Variants in SLX4 observed in about 807,000 individuals in gnomAD.
The protein encoded by SLX4 is SLX4 structure-specific endonuclease subunit.
In SLX4, 112 loss-of-function variants were observed where a neutral mutation model predicts 146.2. That is an observed-to-expected ratio of 0.77 (90% confidence interval 0.66 to 0.90). The LOEUF is 0.90. Among genes scored for constraint, SLX4 ranks in the 40% least tolerant of loss-of-function variants. The pLI, the probability that SLX4 is intolerant of heterozygous loss-of-function variation, is 0.00. For synonymous variants in SLX4, 1,061 were observed against 997.7 expected, an observed-to-expected ratio of 1.06 and a Z score of -1.20; for missense variants, 2,563 against 2,392.7, an observed-to-expected ratio of 1.07 and a Z score of -1.49.
chr16:3,593,724 G>A (rs1203255094), intron 10 of SLX4, among the ~76,000 whole-genome samples: 1 of 152,186 alleles, frequency 6.6e-6, no homozygotes, highest in Non-Finnish European at 1.5e-5. Flanking sequence ...ATAGCTCCCT[G>A]AGTTCCTGCC....
intron 10 of SLX4, 113 bp from the exon 11 acceptor site, chr16:3,592,978 G>C: frequency 8.8e-7 from 1 of 1,133,026 alleles, no homozygotes; most frequent in African/African-American, 1.6e-5. Context: ...TTTCTTTTTA[G>C]AGACAGTGTC....
intron 13 of SLX4, 72 bp from the exon 14 acceptor site, chr16:3,583,582 C>A: frequency 1.3e-6 from 2 of 1,548,644 alleles, no homozygotes; most frequent in Non-Finnish European, 1.8e-6. Context: ...CCTATCTTAG[C>A]AAAGAGTGAT....
intron 4 of SLX4, chr16:3,601,828 T>G: frequency 7.4e-6 from 3 of 406,938 alleles, no homozygotes; most frequent in Non-Finnish European, 4.6e-6. Context: ...TGGCTGCCAA[T>G]GGGTGTGGGG....
rs768700280 is a variant in SLX4, at chr16:3,609,436, G to A, written c.-472C>T. The A allele has an allele frequency of 8.6e-5, 14 of 163,202 alleles. No homozygotes were observed. The highest frequency in any genetic ancestry group is 2.9e-4 in the African/African-American group (12 of 41,522). The allele number at this position is 163,202 out of a possible 1,614,324, so 10.1% of individuals were successfully genotyped here. A position where few individuals can be genotyped will look rare whatever the true frequency, so the allele number is the denominator to read the frequency against. ...AAAATAATAATAATAAATAAATAAA[G>A]TTCACAACTGAAAGAGTGTTTTGTT... is the stretch of plus-strand genomic sequence containing the variant. On this transcript the variant is annotated 5_prime_UTR_variant, in exon 2 of 15. Coordinates refer to ENST00000294008, the MANE Select transcript of SLX4 (RefSeq NM_032444.4).
intron 3 of SLX4, 54 bp from the exon 4 acceptor site, chr16:3,602,361 C>T (rs1163668802): frequency 1.3e-6 from 2 of 1,596,586 alleles, no homozygotes; most frequent in Non-Finnish European, 1.7e-6. Context: ...CAAGCTCACC[C>T]TCAGACCTCT....
rs746396836 is a variant in SLX4 at position 3,582,502 on chromosome 16, T to A, written c.5345A>T (p.Gln1782Leu). 2 of 1,614,036 alleles carry A rather than the reference T, an allele frequency of 1.2e-6. No homozygotes were observed. The highest frequency in any genetic ancestry group is 2.2e-5 in the South Asian group (2 of 91,082). Residue 1782 changes from glutamine to leucine, a missense_variant, in exon 15 of 15, where the codon CAG becomes CTG. Gln to Leu is a moderately radical substitution (Grantham distance 113). Coordinates refer to ENST00000294008, the MANE Select transcript of SLX4 (RefSeq NM_032444.4). Reference protein sequence around the residue: ...LYQPFELRELQAELRQNGLRV... With the variant: ...LYQPFELRELLAELRQNGLRV... ...GAGGCCGTTCTGCCTCAGCTCTGCC[T>A]GCAGCTCCCGCAGCTCAAAGGGCTG...
chr16:3,594,784 A>G (rs1449673969), intron 9 of SLX4, among the ~76,000 whole-genome samples, 185 bp from the exon 10 acceptor site: 1 of 152,222 alleles, frequency 6.6e-6, no homozygotes, highest in East Asian at 1.9e-4. Context: ...GGCCCTGAGT[A>G]GCACAGAAGA....
Position 3,583,608 on chromosome 16 carries a change from C to T in SLX4, c.4740-98G>A, listed in dbSNP as rs897350054. ...AAAGAGTGATACCCAATGCATTCAGCGAATGGCTTGTGTGACAAACCATAG... is the reference window on the plus strand; with the variant it reads ...AAAGAGTGATACCCAATGCATTCAGTGAATGGCTTGTGTGACAAACCATAG... On this transcript the variant is annotated intron_variant, in intron 13 of 14. Coordinates refer to ENST00000294008, the MANE Select transcript of SLX4 (RefSeq NM_032444.4). 17 of 1,351,762 alleles carry T rather than the reference C, an allele frequency of 1.3e-5. No homozygotes were observed. The East Asian group carries it at 2.3e-4, about 18-fold the overall frequency. 83.7% of individuals were successfully genotyped at this position (1,351,762 alleles called of 1,614,324 possible).
chr16:3,606,153 G>A (rs1340302103), intron 3 of SLX4, among the ~76,000 whole-genome samples: 1 of 148,914 alleles, frequency 6.7e-6, no homozygotes, highest in Non-Finnish European at 1.5e-5. Flanking sequence ...CCACTGGCTG[G>A]GGCAAGATAA....
chr16:3,593,232 C>G (rs989727170), intron 10 of SLX4, among the ~76,000 whole-genome samples: 2 of 152,112 alleles, frequency 1.3e-5, no homozygotes, highest in Non-Finnish European at 2.9e-5. Context: ...CCACCATGCC[C>G]GGCTAATTTT....
At chr16:3,591,804 G>A (rs1235391263) in intron 11 of SLX4, among the ~76,000 whole-genome samples, 1 of 152,134 alleles carries the variant, frequency 6.6e-6, no homozygotes, top group Non-Finnish European at 1.5e-5. Flanking sequence ...GCTACAGTGA[G>A]CTGTGATCAT....
rs773998146 is a variant in SLX4 at position 3,589,230 on chromosome 16, G to C, written c.4408C>G (p.Pro1470Ala). ...ATGGGGGTGGTGTCCAGGAGTCCCG[G>C]GGAGCGACAGTCACGGCTGTCGGCG... is the stretch of plus-strand genomic sequence containing the variant. ...EAADSRDCRS[P>A]GLLDTTPIRG... The change falls in exon 12 of 15, where the codon CCG (proline) becomes GCG (alanine). Residue 1470 changes from proline to alanine, a missense_variant. By Grantham distance (27) the Pro-to-Ala change is conservative (BLOSUM62 -1). Coordinates refer to ENST00000294008, the MANE Select transcript of SLX4 (RefSeq NM_032444.4). This position sits in a 1 kb window ranked among gnomAD's most constrained non-coding sequence, Gnocchi z 6.2. 1.9e-6 allele frequency: 3 copies of C among 1,610,014 alleles called. No individual in the cohort carries two copies. The highest frequency in any genetic ancestry group is 2.2e-5 in the South Asian group (2 of 90,970).
intron 5 of SLX4, 72 bp from the exon 6 acceptor site, chr16:3,598,071 C>A: frequency 6.4e-7 from 1 of 1,564,328 alleles, no homozygotes; most frequent in South Asian, 1.1e-5. Context: ...TCACACTGGT[C>A]TGGAGAGGGC....
At position 3,589,159 on chromosome 16, in the gene SLX4, C is replaced by T. The variant is rs150097733; in HGVS notation, c.4479G>A (p.Ser1493=). ...TGCTATTCCCCAGGGAGCCCGCGCCCGAGGACTTCTCTTGCAATTTCCTCT... is the reference window on the plus strand; with the variant it reads ...TGCTATTCCCCAGGGAGCCCGCGCCTGAGGACTTCTCTTGCAATTTCCTCT... ...TTQRKLQEKS[S]GAGSLGNSRP... The change falls in exon 12 of 15, where the codon TCG becomes TCA. Residue 1493 remains serine (S), a synonymous_variant. Coordinates refer to ENST00000294008, the MANE Select transcript of SLX4 (RefSeq NM_032444.4). This position sits in a 1 kb window ranked among gnomAD's most constrained non-coding sequence, Gnocchi z 6.2. 1.8e-4 allele frequency: 284 copies of T among 1,614,124 alleles called. 1 individual carries two copies. The African/African-American group carries it at 3.2e-3, about 18-fold the overall frequency.
In SLX4 at chr16:3,590,847, G is replaced by A. The variant is rs2151125112; in HGVS notation, c.2791C>T (p.Pro931Ser). 1 of 1,614,180 alleles carries A rather than the reference G, an allele frequency of 6.2e-7. No individual in the cohort carries two copies. Among genetic ancestry groups the A allele is most frequent in the Non-Finnish European group, 8.5e-7 (1 of 1,180,032 alleles). The change falls in exon 12 of 15, where the codon CCC (proline) becomes TCC (serine). Residue 931 changes from proline to serine, a missense_variant. Transcript: ENST00000294008. The surrounding 1 kb of genome is among the most constrained non-coding windows in gnomAD (Gnocchi z 4.8). ...CGTGCCCCTGAGTGCTGGCCCTGGG[G>A]TGGCGGGAGAGCGCACTGTCCCATC... ...EKMGQCALPP[P>S]QGQHSGARGA...
rs368388100 is a variant in SLX4 at position 3,589,294 on chromosome 16, G to A, written c.4344C>T (p.Pro1448=). The A allele has an allele frequency of 4.5e-5, 71 of 1,588,214 alleles. No homozygotes were observed. The highest frequency in any genetic ancestry group is 1.7e-4 in the Middle Eastern group (1 of 5,894). ...TGCGGCTGGGGCTGCTGGTGCTCAG[G>A]GGGCCGGTCCGCTCCAGGTTCCAGT... ...IDHWNLERTG[P]LSTSSPSRRM... The change falls in exon 12 of 15, where the codon CCC becomes CCT. Residue 1448 remains proline, a synonymous_variant. Coordinates refer to ENST00000294008, the MANE Select transcript of SLX4 (RefSeq NM_032444.4). The surrounding 1 kb of genome is among the most constrained non-coding windows in gnomAD (Gnocchi z 6.2).
chr16:3,590,758 G>A lies in SLX4; in HGVS notation c.2880C>T (p.Ser960=), dbSNP rs745799688. 6.2e-7 allele frequency: 1 copy of A among 1,614,088 alleles called. No homozygotes were observed. Among genetic ancestry groups the A allele is most frequent in the African/African-American group, 1.3e-5 (1 of 75,060 alleles). ...EEALGHSSCS[S]PSRDCQAERK... ...TCTCTGCCTGGCAGTCCCTGGAAGG[G>A]CTGGAGCAGCTGGAATGGCCAAGCG... Residue 960 remains serine, a synonymous_variant, in exon 12 of 15, where the codon AGC becomes AGT. Transcript: ENST00000294008. This position sits in a 1 kb window ranked among gnomAD's most constrained non-coding sequence, Gnocchi z 4.8.
Position 3,597,399 on chromosome 16 carries a change from C to A in SLX4, c.1663G>T (p.Val555Leu). 1.3e-6 allele frequency: 2 copies of A among 1,588,434 alleles called. No individual in the cohort carries two copies. The highest frequency in any genetic ancestry group is 1.7e-4 in the Middle Eastern group (1 of 5,902). The change falls in exon 7 of 15, where the codon GTG becomes TTG. Residue 555 changes from valine to leucine, a missense_variant. Physicochemically the swap from Val to Leu is conservative, Grantham distance 32. Transcript: ENST00000294008. The surrounding 1 kb of genome is among the most constrained non-coding windows in gnomAD (Gnocchi z 4.4). ...CTCACCTGGGCAGGCCGCTGGGGCA[C>A]GAGAGGAGGGACCAGCCTGGCCGTG... is the stretch of plus-strand genomic sequence containing the variant. ...FYTARLVPPL[V>L]PQRPAQGLMQ...
At chr16:3,592,553 TG>T in intron 11 of SLX4, 145 bp downstream of exon 11, 1 of 1,005,222 alleles carries the variant, frequency 9.9e-7, no homozygotes, top group Non-Finnish European at 1.5e-6. Context: ...GGGTCATCAC[TG>T]GTCATGGACT....
Sources: allele counts gnomAD v4.1 joint callset (sites outside exome capture counted in the v4.1 genomes callset), GRCh38; gene constraint gnomAD v4.1.1; non-coding constraint Gnocchi (gnomAD v3.1); transcripts MANE v1.5; gene names NCBI Gene and HGNC (gene_info 2026-07-23, HGNC 2026-07-21).